The following BLTP3B variants were observed in gnomAD, a reference collection of about 807,000 sequenced individuals.
The protein encoded by BLTP3B is UHRF1 (ICBP90) binding protein 1-like.
the BLTP3B span, among the ~76,000 whole-genome samples, chr12:100,142,308 C>T: frequency 6.6e-6 from 1 of 152,192 alleles, no homozygotes; most frequent in African/African-American, 2.4e-5. Context: ...CGCCCCCAGA[C>T]GCCGCGCCGG....
At chr12:100,135,689 C>T in the BLTP3B span, among the ~76,000 whole-genome samples, 1 of 152,186 alleles carries the variant, frequency 6.6e-6, no homozygotes, top group Non-Finnish European at 1.5e-5. Flanking sequence ...GCATTTAACA[C>T]ACTGATATAC....
At chr12:100,142,172 G>A in the BLTP3B span, among the ~76,000 whole-genome samples, 1 of 152,274 alleles carries the variant, frequency 6.6e-6, no homozygotes, top group South Asian at 2.1e-4. Context: ...TCGGTTAACG[G>A]AACCGCTCTG....
chr12:100,109,548 G>C, the BLTP3B span, among the ~76,000 whole-genome samples: 1 of 152,118 alleles, frequency 6.6e-6, no homozygotes, highest in South Asian at 2.1e-4. Flanking sequence ...CGGATCACTT[G>C]AGGGCAGGAG....
chr12:100,089,458 G>A, the BLTP3B span, among the ~76,000 whole-genome samples: 10 of 152,116 alleles, frequency 6.6e-5, no homozygotes, highest in Non-Finnish European at 1.3e-4. Flanking sequence ...TACTTGGGAG[G>A]CTGAGGCAGG....
chr12:100,128,573 G>A, the BLTP3B span: 1 of 1,228,150 alleles, frequency 8.1e-7, no homozygotes, highest in Non-Finnish European at 1.0e-6. Context: ...GGGAATAGAA[G>A]TATTACCTGA....
the BLTP3B span, chr12:100,051,271 G>C: frequency 5.2e-6 from 8 of 1,536,750 alleles, no homozygotes; most frequent in South Asian, 8.4e-5. Context: ...TTTTACACAT[G>C]ATCTAACACT....
the BLTP3B span, chr12:100,108,394 A>G: frequency 6.2e-7 from 1 of 1,611,608 alleles, no homozygotes. Context: ...ACCCTAATGG[A>G]CGCTTTATTA....
chr12:100,121,697 C>T, the BLTP3B span, among the ~76,000 whole-genome samples: 7 of 151,944 alleles, frequency 4.6e-5, no homozygotes, highest in South Asian at 4.1e-4. Context: ...GGCGTGGTGG[C>T]GCCCGCCTAT....
At chr12:100,056,591 A>G in the BLTP3B span, among the ~76,000 whole-genome samples, 5 of 151,632 alleles carry the variant, frequency 3.3e-5, no homozygotes, top group African/African-American at 1.2e-4. Flanking sequence ...TAATCCCAGC[A>G]TTTTGGGACG....
chr12:100,061,342 C>A, the BLTP3B span, among the ~76,000 whole-genome samples: 1 of 152,122 alleles, frequency 6.6e-6, no homozygotes, highest in African/African-American at 2.4e-5. Context: ...AAAAAGGAAC[C>A]CAGGACACTA....
At chr12:100,118,671 G>A in the BLTP3B span, among the ~76,000 whole-genome samples, 1 of 152,102 alleles carries the variant, frequency 6.6e-6, no homozygotes, top group Non-Finnish European at 1.5e-5. Context: ...TTGGGTATGA[G>A]AATTCTGCAT....
the BLTP3B span, among the ~76,000 whole-genome samples, chr12:100,106,436 G>C: frequency 6.6e-6 from 1 of 152,134 alleles, no homozygotes; most frequent in Non-Finnish European, 1.5e-5. Context: ...TAAAAAAAGA[G>C]CAAAATAATG....
chr12:100,142,766 C>G, the BLTP3B span: 13 of 1,377,772 alleles, frequency 9.4e-6, no homozygotes, highest in East Asian at 2.0e-4. Context: ...GGGAGAGACC[C>G]AAGGCCCCGG....
At chr12:100,078,860 G>A in the BLTP3B span, among the ~76,000 whole-genome samples, 1 of 152,126 alleles carries the variant, frequency 6.6e-6, no homozygotes, top group African/African-American at 2.4e-5. Flanking sequence ...GAGGAACCTG[G>A]TGGGAGGTGA....
the BLTP3B span, chr12:100,052,012 T>C: frequency 6.6e-6 from 1 of 151,426 alleles, no homozygotes; most frequent in Non-Finnish European, 1.5e-5. Context: ...CACCATTGCA[T>C]TGCACTCTAG....
the BLTP3B span, chr12:100,051,947 T>A: frequency 6.6e-6 from 1 of 152,118 alleles, no homozygotes; most frequent in African/African-American, 2.4e-5. Flanking sequence ...CTTGGGAGGC[T>A]GAGGCAGAGG....
At chr12:100,052,790 G>GTTTTT in the BLTP3B span, among the ~76,000 whole-genome samples, 198 of 114,308 alleles carry the variant, frequency 1.7e-3, 5 homozygotes, top group South Asian at 4.7e-3. Context: ...TTTCTTTTCT[G>GTTTTT]TTTTTTTTTT....
chr12:100,083,240 C>CA, the BLTP3B span: 1 of 711,874 alleles, frequency 1.4e-6, no homozygotes, highest in East Asian at 2.5e-5. Context: ...ACTAACTTCT[C>CA]AAACAAGATA....
At chr12:100,047,404 A>C in the BLTP3B span, 8 of 624,370 alleles carry the variant, frequency 1.3e-5, no homozygotes, top group African/African-American at 1.5e-4. Context: ...AGGTTTAGGT[A>C]GGAGAATCAC....
Sources: allele counts gnomAD v4.1 joint callset (sites outside exome capture counted in the v4.1 genomes callset), GRCh38; gene constraint gnomAD v4.1.1; transcripts MANE v1.5; gene names NCBI Gene and HGNC (gene_info 2026-07-23, HGNC 2026-07-21).